The following PCDHA1 variants were observed in gnomAD, a reference collection of about 807,000 sequenced individuals.
PCDHA1 encodes the protein protocadherin alpha 1.
A neutral mutation model predicts 61.3 loss-of-function variants in PCDHA1; 42 were observed. That is an observed-to-expected ratio of 0.69 (90% confidence interval 0.54 to 0.89). PCDHA1 has a LOEUF of 0.89. Ranked by LOEUF, PCDHA1 falls within the 40% of genes least tolerant of loss-of-function variation. The pLI is 0.00. For synonymous variants in PCDHA1, 610 were observed against 553.8 expected (o/e 1.10, Z -1.43); for missense variants, 1,256 against 1,235.3 (o/e 1.02, Z -0.25).
intron 1 of PCDHA1, among the ~76,000 whole-genome samples, chr5:140,915,080 G>T (rs1279074888): frequency 6.6e-6 from 1 of 151,664 alleles, no homozygotes; most frequent in Non-Finnish European, 1.5e-5. Context: ...TGAGTAGCTG[G>T]GACTATGGGC....
intron 3 of PCDHA1, among the ~76,000 whole-genome samples, chr5:141,002,246 C>T (rs1217451636): frequency 6.6e-6 from 1 of 152,190 alleles, no homozygotes; most frequent in Non-Finnish European, 1.5e-5. Flanking sequence ...CTTTATTAAC[C>T]TCAGCACTGA....
chr5:140,920,133 C>A (rs1463322279), intron 1 of PCDHA1, among the ~76,000 whole-genome samples: 7 of 152,178 alleles, frequency 4.6e-5, no homozygotes, highest in African/African-American at 1.4e-4. Flanking sequence ...AGTTTTAATT[C>A]TCCTCTCCAA....
chr5:140,801,089 T>C, intron 1 of PCDHA1: 1 of 1,492,868 alleles, frequency 6.7e-7, no homozygotes, highest in Non-Finnish European at 8.9e-7. Flanking sequence ...TGCTTCATCC[T>C]CTCTAAAATT....
At chr5:140,791,107 G>A (rs1761623180) in intron 1 of PCDHA1, among the ~76,000 whole-genome samples, 1 of 152,178 alleles carries the variant, frequency 6.6e-6, no homozygotes, top group African/African-American at 2.4e-5. Context: ...AGGGACCTTA[G>A]AGACTTGTGG....
rs1237293055 is a variant in PCDHA1 at position 140,848,212 on chromosome 5, G to T, written c.2394+59528G>T. ...TTCTGTTTCAACAATCATTACTTAA[G>T]AAAAAATTAAGAAAATGAAATAAGT... On this transcript the variant is annotated intron_variant, in intron 1 of 3. Transcript: ENST00000504120. The T allele has an allele frequency of 5.6e-6, 2 of 355,864 alleles. 1 individual carries two copies. Among genetic ancestry groups the T allele is most frequent in the Non-Finnish European group, 1.0e-5 (2 of 196,396 alleles). The allele number at this position is 355,864 out of a possible 1,614,324, so 22.0% of individuals were successfully genotyped here.
At chr5:140,813,478 T>C (rs2126646708) in intron 1 of PCDHA1, 2 of 152,182 alleles carry the variant, frequency 1.3e-5, no homozygotes, top group Non-Finnish European at 1.5e-5. Flanking sequence ...TACCTAAATA[T>C]ATCTAAACAT....
chr5:140,927,920 T>G (rs782193396), intron 1 of PCDHA1: 1 of 1,614,120 alleles, frequency 6.2e-7, no homozygotes, highest in Non-Finnish European at 8.5e-7. Flanking sequence ...CTGGACTTCC[T>G]GACTCTTTCG....
intron 1 of PCDHA1, among the ~76,000 whole-genome samples, chr5:140,961,843 G>T (rs1244708157): frequency 1.3e-5 from 2 of 151,972 alleles, no homozygotes; most frequent in Non-Finnish European, 2.9e-5. Flanking sequence ...CAGTGCCTTG[G>T]AAGATCATTT....
intron 1 of PCDHA1, among the ~76,000 whole-genome samples, chr5:140,893,346 C>A (rs1368723678): frequency 6.6e-6 from 1 of 152,104 alleles, no homozygotes; most frequent in Non-Finnish European, 1.5e-5. Context: ...AGTGGCAGTG[C>A]TAATTTACAT....
In PCDHA1 at chr5:140,989,027, CATT is replaced by C. The variant is rs1413017003; in HGVS notation, c.2542+6465_2542+6467del. The C allele has an allele frequency of 1.4e-4, 22 of 152,178 alleles. 1 individual carries two copies. The highest frequency in any genetic ancestry group is 1.4e-3 in the Admixed American group (22 of 15,274). The allele number at this position is 152,178 out of a possible 1,614,324, so 9.4% of individuals were successfully genotyped here. A position where few individuals can be genotyped will look rare whatever the true frequency, so the allele number is the denominator to read the frequency against. ...GACTTATTATAGTTTCTTCAGTTAT[CATT>C]GATTCCTTTAATATGCCAGCTACAT... On this transcript the variant is annotated intron_variant, in intron 3 of 3. Transcript: ENST00000504120.
Position 140,834,177 on chromosome 5 carries a change from C to G in PCDHA1, c.2394+45493C>G, listed in dbSNP as rs2150214084. ...TTTGTAATTCTTACTTACATGATGG[C>G]CACATGATGTCGCTCTTTACCGCAA... On this transcript the variant is annotated intron_variant, in intron 1 of 3. Transcript: ENST00000504120. 2.9e-5 allele frequency: 16 copies of G among 556,922 alleles called. No individual in the cohort carries two copies. The East Asian group carries it at 4.6e-4, about 16-fold the overall frequency. 34.5% of individuals were successfully genotyped at this position (556,922 alleles called of 1,614,324 possible). A position where few individuals can be genotyped will look rare whatever the true frequency, so the allele number is the denominator to read the frequency against.
chr5:140,970,026 T>A (rs2153783055), intron 1 of PCDHA1, among the ~76,000 whole-genome samples: 1 of 152,304 alleles, frequency 6.6e-6, no homozygotes, highest in Non-Finnish European at 1.5e-5. Context: ...GGCAGAGAGA[T>A]TAAGTACCAA....
chr5:140,917,164 G>C (rs155804), intron 1 of PCDHA1, among the ~76,000 whole-genome samples: 48,022 of 151,994 alleles, frequency 0.32, 7,940 homozygotes, highest in East Asian at 0.52. Context: ...TATGGGAGGG[G>C]TGATGGTGGT....
At chr5:140,874,144 T>A (rs1554167057) in intron 1 of PCDHA1, among the ~76,000 whole-genome samples, 1 of 152,244 alleles carries the variant, frequency 6.6e-6, no homozygotes, top group Non-Finnish European at 1.5e-5. Context: ...CTTATACTTG[T>A]AGAGCCATTC....
intron 1 of PCDHA1, chr5:140,876,978 C>T (rs1206745884): frequency 1.2e-5 from 20 of 1,612,518 alleles, no homozygotes; most frequent in African/African-American, 6.7e-5. Flanking sequence ...TGGGCGAGCA[C>T]GCACTGTCGA....
chr5:140,829,699 C>A lies in PCDHA1; in HGVS notation c.2394+41015C>A, dbSNP rs2150172721. On this transcript the variant is annotated intron_variant, in intron 1 of 3. Coordinates refer to ENST00000504120, the MANE Select transcript of PCDHA1 (RefSeq NM_018900.4). ...TAGAGCTGCTGCAGTTTCAGGTGAG[C>A]GCGCGCGACGCGGGCGTGCCGCCTC... The A allele has an allele frequency of 2.2e-3, 3,484 of 1,613,252 alleles. 64 individuals carry two copies. The African/African-American group carries it at 0.041, about 19-fold the overall frequency.
At chr5:140,836,455 C>A in intron 1 of PCDHA1, 1 of 1,613,840 alleles carries the variant, frequency 6.2e-7, no homozygotes, top group Non-Finnish European at 8.5e-7. Context: ...GGCCCAGAGA[C>A]CGAGCTGGTG....
At chr5:140,856,568 A>C in intron 1 of PCDHA1, 1 of 1,597,928 alleles carries the variant, frequency 6.3e-7, no homozygotes, top group Non-Finnish European at 8.6e-7. Flanking sequence ...ACTCAGTCCA[A>C]ATGAGTATTT....
intron 1 of PCDHA1, among the ~76,000 whole-genome samples, chr5:140,881,754 A>G (rs1554172477): frequency 6.6e-6 from 1 of 152,212 alleles, no homozygotes; most frequent in African/African-American, 2.4e-5. Context: ...CAGTACCACA[A>G]AAACCTACAT....
Sources: allele counts gnomAD v4.1 joint callset (sites outside exome capture counted in the v4.1 genomes callset), GRCh38; gene constraint gnomAD v4.1.1; transcripts MANE v1.5; gene names NCBI Gene and HGNC (gene_info 2026-07-23, HGNC 2026-07-21).